ABLIM1: variants seen among roughly 807,000 people sequenced by gnomAD.
The protein encoded by ABLIM1 is actin-binding LIM protein 1.
ABLIM1 carries 40 observed loss-of-function variants against 107.0 expected under a neutral mutation model. The ratio of observed to expected loss-of-function variants is 0.37; its 90% CI spans 0.29 to 0.49. The LOEUF is 0.49. Among genes scored for constraint, ABLIM1 ranks in the 20% least tolerant of loss-of-function variants. ABLIM1 has a pLI of 0.97. For synonymous variants in ABLIM1, 357 were observed against 357.3 expected (o/e 1.00, Z 0.01); for missense variants, 857 against 1,008.5 (o/e 0.85, Z 2.04).
intron 22 of ABLIM1, 34 bp from the exon 23 acceptor site, chr10:114,436,407 C>A: frequency 6.7e-7 from 1 of 1,503,494 alleles, no homozygotes; most frequent in South Asian, 1.2e-5. Context: ...GAGCTGCTGT[C>A]AGTCCTGATG....
chr10:114,435,569 T>A lies in ABLIM1; in HGVS notation c.*691A>T, dbSNP rs1017934183. The A allele has an allele frequency of 6.6e-6, 1 of 152,168 alleles. No individual in the cohort carries two copies. The highest frequency in any genetic ancestry group is 2.4e-5 in the African/African-American group (1 of 41,434). 9.4% of individuals were successfully genotyped at this position (152,168 alleles called of 1,614,324 possible). A position where few individuals can be genotyped will look rare whatever the true frequency, so the allele number is the denominator to read the frequency against. Reference sequence around the variant, plus strand: ...AAGGTTTCCTTTCATTCCTGTTCCTTCTCTTTTGCTTTTGAACAGTTTTTA... The same window carrying A: ...AAGGTTTCCTTTCATTCCTGTTCCTACTCTTTTGCTTTTGAACAGTTTTTA... On this transcript the variant is annotated 3_prime_UTR_variant, in exon 23 of 23. Coordinates refer to ENST00000533213, the MANE Select transcript of ABLIM1 (RefSeq NM_002313.7).
rs2140402279 is a variant in ABLIM1 at position 114,619,654 on chromosome 10, T to C, written c.245-17693A>G. ...CTGATCTTGCTCCTCCCTCCCTGGCTGTGATACAAAAGCAAGGAAACAAGG... is the reference window on the plus strand; with the variant it reads ...CTGATCTTGCTCCTCCCTCCCTGGCCGTGATACAAAAGCAAGGAAACAAGG... On this transcript the variant is annotated intron_variant, in intron 1 of 22. Coordinates refer to ENST00000533213, the MANE Select transcript of ABLIM1 (RefSeq NM_002313.7). The surrounding 1 kb of genome is among the most constrained non-coding windows in gnomAD (Gnocchi z 4.1). 6.6e-6 allele frequency among the ~76,000 whole-genome samples: 1 copy of C among 152,314 alleles called. No homozygotes were observed. Among genetic ancestry groups the C allele is most frequent in the South Asian group, 2.1e-4 (1 of 4,830 alleles).
intron 5 of ABLIM1, 37 bp from the exon 6 acceptor site, chr10:114,545,135 G>A (rs1316994398): frequency 6.3e-7 from 1 of 1,596,680 alleles, no homozygotes; most frequent in Non-Finnish European, 8.6e-7. Flanking sequence ...CTGAGGAGGT[G>A]GCCAGGGGCT....
intron 11 of ABLIM1, among the ~76,000 whole-genome samples, chr10:114,467,375 T>A (rs2065404442): frequency 6.6e-6 from 1 of 152,090 alleles, no homozygotes; most frequent in South Asian, 2.1e-4. Flanking sequence ...ACTAGCACAA[T>A]AAAAGTAAAA....
chr10:114,717,485 TC>T (rs1322866627), intron 1 of ABLIM1, among the ~76,000 whole-genome samples: 1 of 152,150 alleles, frequency 6.6e-6, no homozygotes, highest in Non-Finnish European at 1.5e-5. Flanking sequence ...TTTAGCAACA[TC>T]CCTGGGCCTC....
chr10:114,712,246 G>T (rs1030921730), intron 1 of ABLIM1, among the ~76,000 whole-genome samples: 12 of 150,798 alleles, frequency 8.0e-5, no homozygotes, highest in Admixed American at 5.3e-4. Flanking sequence ...CTAGCTACTC[G>T]TGAGGCTGAG....
At chr10:114,513,327 G>A (rs1354399141) in intron 6 of ABLIM1, among the ~76,000 whole-genome samples, 1 of 152,098 alleles carries the variant, frequency 6.6e-6, no homozygotes, top group East Asian at 1.9e-4. Context: ...TGTTTCAAAT[G>A]TCCGCAAGAT....
chr10:114,702,676 G>A (rs2081331639), intron 1 of ABLIM1, among the ~76,000 whole-genome samples: 1 of 151,820 alleles, frequency 6.6e-6, no homozygotes. Context: ...ACAGGCGCCC[G>A]CCACCACGCC....
intron 1 of ABLIM1, chr10:114,610,779 A>G (rs1462651151): frequency 6.6e-6 from 1 of 152,206 alleles, no homozygotes; most frequent in African/African-American, 2.4e-5. Flanking sequence ...AAACAGAATT[A>G]TTAGTTGGCA....
At chr10:114,767,249 A>G (rs2142748078) in intron 1 of ABLIM1, among the ~76,000 whole-genome samples, 1 of 152,364 alleles carries the variant, frequency 6.6e-6, no homozygotes, top group African/African-American at 2.4e-5. Context: ...CAGGGTATCA[A>G]AAGGGGTGGC....
chr10:114,503,834 A>G (rs767544477), intron 6 of ABLIM1, among the ~76,000 whole-genome samples: 1 of 152,226 alleles, frequency 6.6e-6, no homozygotes, highest in Non-Finnish European at 1.5e-5. Context: ...TCAGGTATCC[A>G]TTATTCTAGG....
chr10:114,713,147 A>C (rs2081588301), intron 1 of ABLIM1, among the ~76,000 whole-genome samples: 1 of 152,228 alleles, frequency 6.6e-6, no homozygotes, highest in Non-Finnish European at 1.5e-5. Context: ...AACAAGGAAG[A>C]GAGGAGCAGC....
At chr10:114,645,028 G>C (rs1376332435) in intron 1 of ABLIM1, among the ~76,000 whole-genome samples, 1 of 152,104 alleles carries the variant, frequency 6.6e-6, no homozygotes, top group African/African-American at 2.4e-5. Flanking sequence ...AGTATAAGTG[G>C]ATTTCTGTTC....
chr10:114,549,478 A>G (rs1278272049), intron 4 of ABLIM1, among the ~76,000 whole-genome samples: 1 of 152,156 alleles, frequency 6.6e-6, no homozygotes, highest in African/African-American at 2.4e-5. Flanking sequence ...GTGGGCTCAC[A>G]GTTCCTCTGG....
At chr10:114,450,222 A>AC (rs1353864014) in intron 14 of ABLIM1, 16 of 208,348 alleles carry the variant, frequency 7.7e-5, no homozygotes, top group Non-Finnish European at 1.5e-4. Context: ...AAAAAAAAAA[A>AC]AACAAAAACA....
At chr10:114,470,009 C>T (rs1410784140) in intron 10 of ABLIM1, among the ~76,000 whole-genome samples, 1 of 152,176 alleles carries the variant, frequency 6.6e-6, no homozygotes, top group Non-Finnish European at 1.5e-5. Context: ...GGGGTCTCAG[C>T]TGGGTGAAGG....
At chr10:114,736,113 T>A (rs1330022938) in intron 1 of ABLIM1, among the ~76,000 whole-genome samples, 1 of 152,162 alleles carries the variant, frequency 6.6e-6, no homozygotes, top group African/African-American at 2.4e-5. Flanking sequence ...CAGAAGAGAT[T>A]TAGACAGGTG....
chr10:114,519,073 T>C (rs955071239), intron 6 of ABLIM1, among the ~76,000 whole-genome samples: 1 of 152,164 alleles, frequency 6.6e-6, no homozygotes, highest in African/African-American at 2.4e-5. Context: ...TCCAAAAGAC[T>C]TTGAAAGATA....
intron 22 of ABLIM1, 23 bp from the exon 23 acceptor site, chr10:114,436,396 A>G: frequency 6.5e-7 from 1 of 1,527,528 alleles, no homozygotes; most frequent in Non-Finnish European, 9.0e-7. Flanking sequence ...AAAAAAAAAA[A>G]GAGCTGCTGT....
Sources: gnomAD v4.1 joint callset for allele counts (sites outside exome capture counted in the v4.1 genomes callset) on GRCh38, gnomAD v4.1.1 for gene constraint, Gnocchi (gnomAD v3.1) non-coding constraint, MANE v1.5 for transcripts, NCBI Gene and HGNC (gene_info 2026-07-23, HGNC 2026-07-21) for gene names.